Variants in RELCH observed in about 807,000 individuals in gnomAD.
RELCH encodes RAB11 binding and LisH domain, coiled-coil and HEAT repeat containing, also known as RAB11-binding protein RELCH.
RELCH carries 41 observed loss-of-function variants against 150.3 expected under a neutral mutation model. The ratio of observed to expected loss-of-function variants is 0.27; its 90% confidence interval spans 0.21 to 0.35. The LOEUF (loss-of-function observed/expected upper bound fraction) is 0.35, where lower values mean the gene tolerates loss of function less well. Ranked by LOEUF, RELCH falls within the 10% of genes least tolerant of loss-of-function variation. RELCH has a pLI of 1.00. For synonymous variants in RELCH, 478 were observed against 531.8 expected, an observed-to-expected ratio of 0.90 and a Z score of 1.39; for missense variants, 1,092 against 1,467.8, an observed-to-expected ratio of 0.74 and a Z score of 4.18.
chr18:62,263,696 G>C (rs1326802867), intron 16 of RELCH, among the ~76,000 whole-genome samples: 3 of 151,878 alleles, frequency 2.0e-5, no homozygotes, highest in African/African-American at 7.2e-5. Context: ...CATTGTTTTA[G>C]ACACTTAGGA....
At chr18:62,260,627 T>C (rs2144680528) in intron 15 of RELCH, among the ~76,000 whole-genome samples, 1 of 146,402 alleles carries the variant, frequency 6.8e-6, no homozygotes, top group East Asian at 2.2e-4. Context: ...CACATATTTC[T>C]TACAGCACTA....
chr18:62,268,919 G>T lies in RELCH; in HGVS notation c.2731G>T (p.Ala911Ser). ...CACTAAAGCTACAGTCCCCATTTATGCAACAGGAGTCCTTACGTGTTATAT... is the reference window on the plus strand; with the variant it reads ...CACTAAAGCTACAGTCCCCATTTATTCAACAGGAGTCCTTACGTGTTATAT... Reference protein sequence around the residue: ...VLTKATVPIYATGVLTCYIQE... With the variant: ...VLTKATVPIYSTGVLTCYIQE... Residue 911 changes from alanine to serine, a missense_variant, in exon 20 of 29, where the codon GCA (alanine) becomes TCA (serine). Around this residue, in one of 4 missense-constraint regions of RELCH, gnomAD observed 707 missense variants for 1,025.4 expected, o/e 0.69. Transcript: ENST00000644646. 6.5e-7 allele frequency: 1 copy of T among 1,549,518 alleles called. No individual in the cohort carries two copies. Among genetic ancestry groups the T allele is most frequent in the Non-Finnish European group, 8.7e-7 (1 of 1,144,140 alleles).
intron 2 of RELCH, among the ~76,000 whole-genome samples, chr18:62,219,168 T>G (rs2040674487): frequency 6.6e-6 from 1 of 151,820 alleles, no homozygotes; most frequent in Non-Finnish European, 1.5e-5. Flanking sequence ...TATGTAGATG[T>G]GCATAAAAAT....
chr18:62,300,595 ACCTT>A, intron 28 of RELCH: 1 of 152,360 alleles, frequency 6.6e-6, no homozygotes, highest in East Asian at 1.9e-4. Flanking sequence ...TATGGATTTC[ACCTT>A]CAAAGAGCCT....
intron 2 of RELCH, among the ~76,000 whole-genome samples, chr18:62,215,002 T>C (rs2040400679): frequency 6.6e-6 from 1 of 152,184 alleles, no homozygotes; most frequent in Non-Finnish European, 1.5e-5. Flanking sequence ...CTTCTACTCA[T>C]ATCCTTATCA....
chr18:62,266,031 C>T lies in RELCH; in HGVS notation c.2632-670C>T, dbSNP rs115273475. Among the ~76,000 whole-genome samples the T allele has an allele frequency of 2.7e-3, 413 of 150,582 alleles. 4 individuals carry two copies. Among genetic ancestry groups the T allele is most frequent in the African/African-American group, 0.01 (405 of 40,362 alleles). ...CAAAAATTGTTTGATATCTCCAAAA[C>T]AAGTAGCTATTTTTTTTTTTAGAAA... On this transcript the variant is annotated intron_variant, in intron 18 of 28. Coordinates refer to ENST00000644646, the MANE Select transcript of RELCH (RefSeq NM_001346231.2).
intron 10 of RELCH, among the ~76,000 whole-genome samples, chr18:62,240,048 T>G (rs2042067828): frequency 2.6e-5 from 4 of 151,980 alleles, no homozygotes. Flanking sequence ...ATCTTGTATC[T>G]TGACACTAGT....
chr18:62,236,492 T>G (rs1241070549), intron 10 of RELCH, among the ~76,000 whole-genome samples: 1 of 151,894 alleles, frequency 6.6e-6, no homozygotes, highest in Non-Finnish European at 1.5e-5. Context: ...ATAGGAACTC[T>G]TCAGTCTGTT....
chr18:62,242,424 C>T (rs983191817), intron 10 of RELCH, among the ~76,000 whole-genome samples: 2 of 152,046 alleles, frequency 1.3e-5, no homozygotes, highest in African/African-American at 2.4e-5. Flanking sequence ...TTTTTTAGGC[C>T]ATCTTTGCTT....
intron 25 of RELCH, chr18:62,284,251 ATAGATACC>A (rs1237190918): frequency 6.6e-6 from 1 of 152,208 alleles, no homozygotes; most frequent in Non-Finnish European, 1.5e-5. Context: ...TTATTGTAGA[ATAGATACC>A]TACCTATCAA....
chr18:62,272,493 T>C lies in RELCH; in HGVS notation c.2761-1487T>C, dbSNP rs182187215. 3.9e-5 allele frequency among the ~76,000 whole-genome samples: 6 copies of C among 152,242 alleles called. No individual in the cohort carries two copies. In the East Asian group the frequency reaches 1.2e-3, roughly 29 times the overall value. ...TTTGAGTCATTATGAAGTCTAAATA[T>C]GTTATTCATATCTGTAAAGAGATAA... On this transcript the variant is annotated intron_variant, in intron 20 of 28. Coordinates refer to ENST00000644646, the MANE Select transcript of RELCH (RefSeq NM_001346231.2).
intron 22 of RELCH, among the ~76,000 whole-genome samples, chr18:62,277,416 T>A (rs565523240): frequency 6.6e-6 from 1 of 152,220 alleles, no homozygotes; most frequent in South Asian, 2.1e-4. Context: ...GAAATTAAAG[T>A]TCCTTTTTTG....
At chr18:62,265,602 A>G (rs932631431) in intron 18 of RELCH, among the ~76,000 whole-genome samples, 2 of 152,016 alleles carry the variant, frequency 1.3e-5, no homozygotes, top group African/African-American at 4.8e-5. Flanking sequence ...GCTCTTTACT[A>G]TTAAATCTAT....
At chr18:62,285,160 C>T (rs56299018) in intron 25 of RELCH, among the ~76,000 whole-genome samples, 24,734 of 151,848 alleles carry the variant, frequency 0.16, 2,701 homozygotes, top group Middle Eastern at 0.28. Context: ...GTTTCTGAGG[C>T]AGAGTCTTGC....
At chr18:62,251,984 T>C (rs1367205019) in intron 11 of RELCH, among the ~76,000 whole-genome samples, 3 of 151,846 alleles carry the variant, frequency 2.0e-5, no homozygotes, top group Non-Finnish European at 2.9e-5. Flanking sequence ...GTTAGCAAGG[T>C]ATAATTTTTT....
chr18:62,219,562 C>A (rs2148361121), intron 2 of RELCH, among the ~76,000 whole-genome samples: 1 of 150,184 alleles, frequency 6.7e-6, no homozygotes, highest in South Asian at 2.1e-4. Flanking sequence ...ACCTTACACA[C>A]TGAATGTGTC....
At chr18:62,206,841 G>A (rs982206920) in intron 1 of RELCH, among the ~76,000 whole-genome samples, 1 of 117,164 alleles carries the variant, frequency 8.5e-6, no homozygotes, top group African/African-American at 3.3e-5. Context: ...CATTGTAACT[G>A]CTATTCATAC....
intron 15 of RELCH, among the ~76,000 whole-genome samples, chr18:62,259,045 A>G (rs2043130076): frequency 6.6e-6 from 1 of 152,020 alleles, no homozygotes; most frequent in Non-Finnish European, 1.5e-5. Context: ...GCTTTCTTAC[A>G]TAGTGTCAAA....
rs1473561599 is a variant in RELCH, at chr18:62,305,803, AAT to A, written c.*279_*280del. 2.9e-5 allele frequency: 5 copies of A among 173,510 alleles called. No homozygotes were observed. Among genetic ancestry groups the A allele is most frequent in the East Asian group, 1.5e-4 (1 of 6,888 alleles). 10.7% of individuals were successfully genotyped at this position (173,510 alleles called of 1,614,324 possible). ...TGTCTTTCAGAATAATTTTTATATA[AAT>A]ATATATATAGTGAAGAAGTTTTTTT... On this transcript the variant is annotated 3_prime_UTR_variant, in exon 29 of 29. Coordinates refer to ENST00000644646, the MANE Select transcript of RELCH (RefSeq NM_001346231.2). This position sits in a 1 kb window ranked among gnomAD's most constrained non-coding sequence, Gnocchi z 4.0.
Sources: gnomAD v4.1 joint callset for allele counts (sites outside exome capture counted in the v4.1 genomes callset) on GRCh38, gnomAD v4.1.1 for gene constraint, gnomAD v4.1.1 regional missense constraint, Gnocchi (gnomAD v3.1) non-coding constraint, MANE v1.5 for transcripts, NCBI Gene and HGNC (gene_info 2026-07-23, HGNC 2026-07-21) for gene names.